Variants in PDGFA observed in about 807,000 individuals in gnomAD.
PDGFA encodes platelet derived growth factor subunit A, also known as platelet-derived growth factor subunit A.
PDGFA carries 9 observed loss-of-function variants against 25.6 expected under a neutral mutation model. The observed-to-expected ratio is 0.35, with a 90% CI of 0.21 to 0.61. The LOEUF (loss-of-function observed/expected upper bound fraction) is 0.61. Among genes scored for constraint, PDGFA ranks in the 20% least tolerant of loss-of-function variants. The pLI, the probability that PDGFA is intolerant of heterozygous loss-of-function variation, is 0.75. For missense variants in PDGFA, 242 were observed against 272.8 expected (o/e 0.89, Z 0.79); for synonymous variants, 133 against 111.8 (o/e 1.19, Z -1.20).
chr7:519,157 G>C (rs1562495349), exon 1 of PDGFA: 1 of 516,374 alleles, frequency 1.9e-6, no homozygotes, highest in Non-Finnish European at 3.4e-6. Flanking sequence ...GAGCGCGCCC[G>C]GCGCGAGCAG....
At chr7:516,096 AT>A (rs1237408480) in intron 2 of PDGFA, among the ~76,000 whole-genome samples, 1 of 130,196 alleles carries the variant, frequency 7.7e-6, no homozygotes, top group Non-Finnish European at 1.6e-5. Context: ...CAGGCAAGGG[AT>A]TCCCCCCCAC....
chr7:518,849 C>A, intron 1 of PDGFA, 90 bp downstream of exon 1: 2 of 792,796 alleles, frequency 2.5e-6, no homozygotes, highest in South Asian at 1.9e-5. Flanking sequence ...GGAACCAAAA[C>A]GCTCTCTGCA....
At chr7:519,991 G>A (rs1162328888), upstream of PDGFA, 2 of 360,054 alleles carry the variant, frequency 5.6e-6, no homozygotes, top group African/African-American at 2.4e-5. Flanking sequence ...TGCGGACCCG[G>A]CAGGGCCCGG....
chr7:510,725 AGAGGAGGGGAGGGGAGAGGAGAGGAGG>A (rs1782775950), intron 4 of PDGFA, 57 bp downstream of exon 4: 1 of 322,070 alleles, frequency 3.1e-6, no homozygotes, highest in African/African-American at 6.4e-5. Flanking sequence ...AGGGGAGGGG[AGAGGAGGGGAGGGGAGAGGAGAGGAGG>A]GGAGGGGAGA....
intron 4 of PDGFA, among the ~76,000 whole-genome samples, chr7:509,249 G>A (rs1272905525): frequency 1.3e-5 from 2 of 152,254 alleles, no homozygotes; most frequent in African/African-American, 4.8e-5. Flanking sequence ...GAAGGGGACG[G>A]CGTTAGGAGG....
chr7:510,940 T>C (rs1383698648), exon 4 of PDGFA: 14 of 1,612,690 alleles, frequency 8.7e-6, no homozygotes, highest in Non-Finnish European at 1.2e-5. Context: ...TCGACCTGAC[T>C]CCGAGGAATC....
chr7:515,934 T>C (rs1301287092), intron 2 of PDGFA, among the ~76,000 whole-genome samples: 1 of 151,662 alleles, frequency 6.6e-6, no homozygotes, highest in African/African-American at 2.4e-5. Flanking sequence ...CCCATTTCCC[T>C]GCAGCTTCCA....
intron 2 of PDGFA, among the ~76,000 whole-genome samples, chr7:516,000 C>A (rs1425148723): frequency 8.4e-6 from 1 of 119,222 alleles, no homozygotes; most frequent in South Asian, 3.1e-4. Context: ...CTGCTAGCAC[C>A]CCCCCCCAGA....
chr7:503,574 C>T (rs1454554255), intron 4 of PDGFA, among the ~76,000 whole-genome samples: 2 of 152,182 alleles, frequency 1.3e-5, no homozygotes, highest in African/African-American at 4.8e-5. Context: ...GAAGGGGGGA[C>T]TCCAGACTCT....
intron 4 of PDGFA, among the ~76,000 whole-genome samples, chr7:508,347 C>A (rs1170170831): frequency 2.6e-5 from 4 of 151,870 alleles, no homozygotes; most frequent in Admixed American, 2.0e-4. Flanking sequence ...CCTCAGCTGA[C>A]TTGAGCCCAG....
At chr7:499,226 C>A (rs1782218130) in intron 5 of PDGFA, among the ~76,000 whole-genome samples, 1 of 152,184 alleles carries the variant, frequency 6.6e-6, no homozygotes, top group Admixed American at 6.5e-5. Flanking sequence ...ACAAAACCAC[C>A]CACCAGGCCA....
chr7:512,724 G>A (rs1044637109), intron 2 of PDGFA: 39 of 1,285,156 alleles, frequency 3.0e-5, no homozygotes, highest in South Asian at 4.4e-5. Context: ...GGCCCGTGAC[G>A]AAGCGCAGGG....
At position 501,705 on chromosome 7, in the gene PDGFA, G is replaced by C. The variant is rs142024426; in HGVS notation, c.454-463C>G. The stretch of plus-strand genomic sequence containing the variant: ...CCCAAAGTGCTGGAACTTCAAGTGA[G>C]AGCCGCCGCGCCTGGTGTTGGAGCA... On this transcript the variant is annotated intron_variant, in intron 4 of 5. Coordinates refer to ENST00000402802, the Ensembl canonical transcript of PDGFA. Among the ~76,000 whole-genome samples, 791 of 152,302 alleles carry C rather than the reference G, an allele frequency of 5.2e-3. 7 individuals are homozygous for C. The highest frequency in any genetic ancestry group is 0.018 in the African/African-American group (744 of 41,568).
chr7:501,882 A>T (rs535046149), intron 4 of PDGFA, among the ~76,000 whole-genome samples: 1 of 152,260 alleles, frequency 6.6e-6, no homozygotes, highest in Admixed American at 6.5e-5. Context: ...TTGTGTGTGG[A>T]TGTGCAGCTG....
In PDGFA at chr7:512,280, C is replaced by T. The variant is rs534540988; in HGVS notation, c.265+71G>A. ...CAGCTCCTCCCCACCCGGCCCTGCC[C>T]TGCCCATCGCGGCCTCCTGGACTCA... is the stretch of plus-strand genomic sequence containing the variant. On this transcript the variant is annotated intron_variant, in intron 3 of 5. Transcript: ENST00000402802. The T allele has an allele frequency of 2.7e-4, 392 of 1,432,648 alleles. 2 individuals are homozygous for T. The highest frequency in any genetic ancestry group is 3.4e-4 in the Non-Finnish European group (355 of 1,046,532). 88.7% of individuals were successfully genotyped at this position (1,432,648 alleles called of 1,614,324 possible).
At position 509,248 on chromosome 7, in the gene PDGFA, G is replaced by A. The variant is rs763966643; in HGVS notation, c.453+1561C>T. ...CGCTGAAATCCCAGATGAAGGGGAC[G>A]GCGTTAGGAGGTGGGGTGTCTTAAG... On this transcript the variant is annotated intron_variant, in intron 4 of 5. Coordinates refer to ENST00000402802, the Ensembl canonical transcript of PDGFA. Among the ~76,000 whole-genome samples, 10 of 152,236 alleles carry A rather than the reference G, an allele frequency of 6.6e-5. No individual in the cohort carries two copies. In the South Asian group the frequency reaches 1.0e-3, roughly 16 times the overall value.
exon 6 of PDGFA, chr7:497,996 A>C (rs1360860159): frequency 6.7e-6 from 1 of 148,372 alleles, no homozygotes; most frequent in Non-Finnish European, 1.5e-5. Context: ...AAAAAAAAAA[A>C]CCACTTAAGG....
At chr7:498,401 A>G in exon 6 of PDGFA, 1 of 656,846 alleles carries the variant, frequency 1.5e-6, no homozygotes, top group Non-Finnish European at 2.7e-6. Context: ...GTCACATTAA[A>G]CAAATGTGCA....
intron 4 of PDGFA, among the ~76,000 whole-genome samples, chr7:503,786 A>C (rs1333644024): frequency 1.3e-5 from 2 of 152,170 alleles, no homozygotes; most frequent in Non-Finnish European, 2.9e-5. Flanking sequence ...CAGACAGCCA[A>C]GTATGAGCTC....
Sources: gnomAD v4.1 joint callset for allele counts (sites outside exome capture counted in the v4.1 genomes callset) on GRCh38, gnomAD v4.1.1 for gene constraint, MANE v1.5 for transcripts, NCBI Gene and HGNC (gene_info 2026-07-23, HGNC 2026-07-21) for gene names.